MRPL43: variants seen among roughly 807,000 people sequenced by gnomAD.
MRPL43 encodes large ribosomal subunit protein mL43.
MRPL43 carries 9 observed loss-of-function variants against 12.7 expected under a neutral mutation model. That is an observed-to-expected ratio of 0.71 (90% confidence interval 0.43 to 1.24). The LOEUF (loss-of-function observed/expected upper bound fraction) is 1.24, where lower values mean the gene tolerates loss of function less well. Ranked by LOEUF, MRPL43 falls within the 50% of genes most tolerant of loss-of-function variation. The pLI is 0.00. For synonymous variants in MRPL43, 116 were observed against 96.4 expected (o/e 1.20, Z -1.19); for missense variants, 211 against 229.2 (o/e 0.92, Z 0.51).
downstream of MRPL43, chr10:100,984,138 C>T: frequency 6.3e-7 from 1 of 1,597,810 alleles, no homozygotes; most frequent in Non-Finnish European, 8.5e-7. Context: ...CTGAGCCCAG[C>T]CTCCCAGAAC....
At chr10:100,978,990 G>A (rs551004768), downstream of MRPL43, 11 of 1,614,150 alleles carry the variant, frequency 6.8e-6, no homozygotes, top group Admixed American at 5.0e-5. Flanking sequence ...AGCAGTCACC[G>A]TGTGGCCCGT....
downstream of MRPL43, chr10:100,980,827 C>T (rs761187011): frequency 1.3e-6 from 2 of 1,572,634 alleles, no homozygotes; most frequent in South Asian, 2.4e-5. Context: ...CCCAGCACAG[C>T]CTCTATGTGG....
At position 100,987,436 on chromosome 10, in the gene MRPL43, G is replaced by C. The variant is rs756732933; in HGVS notation, c.8C>G (p.Ala3Gly). MT[A>G]RGTPSRFLAS... ...CAAGAAGCGGCTCGGAGTCCCGCGC[G>C]CCGTCATAGCTACAGCTTGGAGGCC... Residue 3 changes from alanine to glycine, a missense_variant, in exon 1 of 3, where the codon GCG (alanine) becomes GGG (glycine). By Grantham distance (60) the Ala-to-Gly change is moderately conservative (BLOSUM62 0). Transcript: ENST00000318364. 6.2e-7 allele frequency: 1 copy of C among 1,612,144 alleles called. No individual in the cohort carries two copies. The highest frequency in any genetic ancestry group is 1.7e-5 in the Admixed American group (1 of 59,998).
At position 100,986,298 on chromosome 10, in the gene MRPL43, C is replaced by T. The variant is rs900287636; in HGVS notation, c.*436G>A. The T allele has an allele frequency of 2.2e-6, 3 of 1,381,416 alleles. No individual in the cohort carries two copies. The African/African-American group carries it at 4.4e-5, about 20-fold the overall frequency. 85.6% of individuals were successfully genotyped at this position (1,381,416 alleles called of 1,614,324 possible). A position where few individuals can be genotyped will look rare whatever the true frequency, so the allele number is the denominator to read the frequency against. On this transcript the variant is annotated 3_prime_UTR_variant, in exon 3 of 3. Coordinates refer to ENST00000318364, the MANE Select transcript of MRPL43 (RefSeq NM_032112.3). ...ATGTGACCTTGGATAAGTTTATTAA[C>T]CTGTTTTATAAATCTGTATTCACAC...
At chr10:100,978,242 C>T (rs193178367), downstream of MRPL43, 1 of 1,380,616 alleles carries the variant, frequency 7.2e-7, no homozygotes, top group Admixed American at 1.8e-5. Flanking sequence ...GACTTTGAGC[C>T]ACTGTCCCTG....
chr10:100,984,978 C>T, downstream of MRPL43: 3 of 1,369,988 alleles, frequency 2.2e-6, no homozygotes, highest in Middle Eastern at 1.9e-4. Context: ...TTTCCACTCA[C>T]ATGCACCTCT....
Position 100,986,542 on chromosome 10 carries a change from T to G in MRPL43, c.*192A>C, listed in dbSNP as rs766869630. Reference sequence around the variant, plus strand: ...ATGCCACTTGCATAAAAATGAGTGGTTCACAAGGTCACTGCCCCCAGAAGC... The same window carrying G: ...ATGCCACTTGCATAAAAATGAGTGGGTCACAAGGTCACTGCCCCCAGAAGC... On this transcript the variant is annotated 3_prime_UTR_variant, in exon 3 of 3. Transcript: ENST00000318364. The G allele has an allele frequency of 4.5e-6, 7 of 1,556,206 alleles. No homozygotes were observed. The African/African-American group carries it at 9.6e-5, about 21-fold the overall frequency.
downstream of MRPL43, chr10:100,979,068 C>G (rs770652450): frequency 6.2e-7 from 1 of 1,613,136 alleles, no homozygotes; most frequent in East Asian, 2.2e-5. Context: ...GACCTCTGAC[C>G]CTGGCCCCTT....
At chr10:100,979,275 A>G, downstream of MRPL43, 1 of 1,614,214 alleles carries the variant, frequency 6.2e-7, no homozygotes, top group Non-Finnish European at 8.5e-7. Context: ...CACAGTGGTC[A>G]GTGCAGGGAC....
At chr10:100,981,137 C>T (rs1329662978), downstream of MRPL43, 2 of 1,613,366 alleles carry the variant, frequency 1.2e-6, no homozygotes, top group Non-Finnish European at 1.7e-6. Flanking sequence ...CCCAGTTCCC[C>T]TTGTTCATAA....
chr10:100,978,000 T>C, downstream of MRPL43: 1 of 571,146 alleles, frequency 1.8e-6, no homozygotes. Flanking sequence ...ACAAAGGGCC[T>C]TGATCCCCTG....
downstream of MRPL43, chr10:100,979,242 C>CT (rs1426443730): frequency 1.9e-6 from 3 of 1,614,206 alleles, no homozygotes; most frequent in Non-Finnish European, 2.5e-6. Flanking sequence ...GTACACACTT[C>CT]TATGCAGCCT....
chr10:100,979,189 A>G (rs1850935891), downstream of MRPL43: 1 of 1,614,058 alleles, frequency 6.2e-7, no homozygotes, highest in South Asian at 1.1e-5. Context: ...ACTGTATGAG[A>G]CACTGCGTGG....
downstream of MRPL43, chr10:100,983,566 G>T (rs144879682): frequency 2.5e-6 from 4 of 1,613,786 alleles, no homozygotes; most frequent in South Asian, 3.3e-5. Flanking sequence ...CTCACAGTCC[G>T]GCCAGCCACT....
At chr10:100,985,072 C>T, downstream of MRPL43, 5 of 638,124 alleles carry the variant, frequency 7.8e-6, no homozygotes, top group Non-Finnish European at 5.1e-6. Context: ...ATTTAACTGT[C>T]CTCACAGGCC....
downstream of MRPL43, chr10:100,979,036 T>C: frequency 6.2e-7 from 1 of 1,613,592 alleles, no homozygotes; most frequent in African/African-American, 1.3e-5. Flanking sequence ...GGGCTGACGT[T>C]GGGGCACGGG....
chr10:100,980,112 C>T, downstream of MRPL43: 3 of 1,614,074 alleles, frequency 1.9e-6, no homozygotes, highest in South Asian at 2.2e-5. Context: ...ACCTTCGTCC[C>T]CCACGCCAGT....
chr10:100,987,425 G>C lies in MRPL43; in HGVS notation c.19C>G (p.Pro7Ala). The change falls in exon 1 of 3, where the codon CCG becomes GCG. Residue 7 changes from proline (P) to alanine (A), a missense_variant. Physicochemically the swap from Pro to Ala is conservative, Grantham distance 27 (BLOSUM62 -1). Coordinates refer to ENST00000318364, the MANE Select transcript of MRPL43 (RefSeq NM_032112.3). MTARGT[P>A]SRFLASVLHN... ...AGAACGCTGGCCAAGAAGCGGCTCGGAGTCCCGCGCGCCGTCATAGCTACA... is the reference window on the plus strand; with the variant it reads ...AGAACGCTGGCCAAGAAGCGGCTCGCAGTCCCGCGCGCCGTCATAGCTACA... 6.2e-7 allele frequency: 1 copy of C among 1,612,306 alleles called. No homozygotes were observed. The highest frequency in any genetic ancestry group is 8.5e-7 in the Non-Finnish European group (1 of 1,179,878).
Position 100,986,280 on chromosome 10 carries a change from C to A in MRPL43, c.*454G>T. The A allele has an allele frequency of 7.3e-7, 1 of 1,365,526 alleles. No homozygotes were observed. Among genetic ancestry groups the A allele is most frequent in the East Asian group, 2.8e-5 (1 of 35,162 alleles). 84.6% of individuals were successfully genotyped at this position (1,365,526 alleles called of 1,614,324 possible). A position where few individuals can be genotyped will look rare whatever the true frequency, so the allele number is the denominator to read the frequency against. On this transcript the variant is annotated 3_prime_UTR_variant, in exon 3 of 3. Transcript: ENST00000318364. ...TTTGAAGACAGACCTGAAATGTGACCTTGGATAAGTTTATTAACCTGTTTT... is the reference window on the plus strand; with the variant it reads ...TTTGAAGACAGACCTGAAATGTGACATTGGATAAGTTTATTAACCTGTTTT...
Sources: gnomAD v4.1 joint callset for allele counts on GRCh38, gnomAD v4.1.1 for gene constraint, MANE v1.5 for transcripts, NCBI Gene and HGNC (gene_info 2026-07-23, HGNC 2026-07-21) for gene names.